Variants in BICC1 observed in about 807,000 individuals in gnomAD.
The protein encoded by BICC1 is protein bicaudal C homolog 1.
A neutral mutation model predicts 111.0 loss-of-function variants in BICC1; 43 were observed. The ratio of observed to expected loss-of-function variants is 0.39; its 90% confidence interval spans 0.30 to 0.50. The LOEUF (loss-of-function observed/expected upper bound fraction) is 0.50. BICC1 is among the 20% of genes least tolerant of loss of function. The pLI is 0.88. For missense variants in BICC1, 1,091 were observed against 1,203.2 expected, an observed-to-expected ratio of 0.91 and a Z score of 1.38; for synonymous variants, 467 against 434.4, an observed-to-expected ratio of 1.07 and a Z score of -0.93.
chr10:58,827,670 A>G (rs553966734), intron 20 of BICC1, among the ~76,000 whole-genome samples: 35 of 152,218 alleles, frequency 2.3e-4, no homozygotes, highest in Non-Finnish European at 4.8e-4. Flanking sequence ...ATTCAAGACT[A>G]CTTCTGATTT....
intron 3 of BICC1, among the ~76,000 whole-genome samples, chr10:58,742,524 T>G (rs9416741): frequency 1 from 150,149 of 150,524 alleles, 74,888 homozygotes; most frequent in Middle Eastern, 1. Flanking sequence ...TGTAACCTCT[T>G]CCTCTTGGGG....
At chr10:58,628,950 C>G (rs899430806) in intron 2 of BICC1, among the ~76,000 whole-genome samples, 2 of 152,196 alleles carry the variant, frequency 1.3e-5, no homozygotes, top group African/African-American at 4.8e-5. Context: ...AAGCTCTTGA[C>G]CTGACATGTA....
At chr10:58,788,671 G>T in intron 6 of BICC1, among the ~76,000 whole-genome samples, 1 of 152,054 alleles carries the variant, frequency 6.6e-6, no homozygotes, top group East Asian at 1.9e-4. Flanking sequence ...AGATGTTCTG[G>T]ATTTTATCTG....
chr10:58,817,525 A>G (rs1300300263), intron 18 of BICC1, 37 bp from the exon 19 acceptor site: 2 of 1,611,396 alleles, frequency 1.2e-6, no homozygotes, highest in Non-Finnish European at 1.7e-6. Flanking sequence ...CTCTCTGGGC[A>G]TTTACACTTC....
chr10:58,609,712 C>T (rs1037786638), intron 1 of BICC1, among the ~76,000 whole-genome samples: 6 of 152,152 alleles, frequency 3.9e-5, no homozygotes, highest in African/African-American at 1.2e-4. Context: ...TCAGTGTTCA[C>T]GAGGCACATG....
rs149875168 is a variant in BICC1 at position 58,608,329 on chromosome 10, T to C, written c.191-12526T>C. 7.0e-4 allele frequency among the ~76,000 whole-genome samples: 107 copies of C among 152,280 alleles called. 1 individual carries two copies. In the East Asian group the frequency reaches 0.019, roughly 28 times the overall value. ...ACGGGATTCCCTTTCCCTTTCACCATCACTGGAGAGCTCCCCTTCCTCCCC... is the reference window on the plus strand; with the variant it reads ...ACGGGATTCCCTTTCCCTTTCACCACCACTGGAGAGCTCCCCTTCCTCCCC... On this transcript the variant is annotated intron_variant, in intron 1 of 20. Coordinates refer to ENST00000373886, the MANE Select transcript of BICC1 (RefSeq NM_001080512.3).
At position 58,635,138 on chromosome 10, in the gene BICC1, A is replaced by G. The variant is rs537133927; in HGVS notation, c.237+14237A>G. Reference sequence around the variant, plus strand: ...TGGATTTAACTTTCTGTTCAGTTTCATTCTCTTAGAGGGTATACTGTGAGA... The same window carrying G: ...TGGATTTAACTTTCTGTTCAGTTTCGTTCTCTTAGAGGGTATACTGTGAGA... On this transcript the variant is annotated intron_variant, in intron 2 of 20. Coordinates refer to ENST00000373886, the MANE Select transcript of BICC1 (RefSeq NM_001080512.3). Among the ~76,000 whole-genome samples the G allele has an allele frequency of 5.3e-5, 8 of 152,326 alleles. No homozygotes were observed. The East Asian group carries it at 1.5e-3, about 29-fold the overall frequency.
intron 1 of BICC1, among the ~76,000 whole-genome samples, chr10:58,555,305 C>CTTTTTTTTTTT: frequency 1.1e-5 from 1 of 93,828 alleles, no homozygotes; most frequent in Admixed American, 1.0e-4. Flanking sequence ...GGCTGTTGGA[C>CTTTTTTTTTTT]ATTTTTTTTT....
At chr10:58,577,949 A>G (rs1028550324) in intron 1 of BICC1, among the ~76,000 whole-genome samples, 1 of 152,214 alleles carries the variant, frequency 6.6e-6, no homozygotes, top group African/African-American at 2.4e-5. Flanking sequence ...ATGTGCAAAT[A>G]GAGTTTCTTT....
rs139349355 is a variant in BICC1, at chr10:58,635,257, C to A, written c.237+14356C>A. Among the ~76,000 whole-genome samples, 58 of 152,280 alleles carry A rather than the reference C, an allele frequency of 3.8e-4. 1 individual carries two copies. In the East Asian group the frequency reaches 8.3e-3, roughly 22 times the overall value. On this transcript the variant is annotated intron_variant, in intron 2 of 20. Transcript: ENST00000373886. The stretch of plus-strand genomic sequence containing the variant: ...AGGCATTTACAGTTAAAAAATAGTT[C>A]TTTCCTATAAAACTGGTTGCAAACT...
intron 16 of BICC1, 78 bp downstream of exon 16, chr10:58,806,701 T>C: frequency 8.0e-7 from 1 of 1,255,190 alleles, no homozygotes; most frequent in South Asian, 1.3e-5. Flanking sequence ...TCATGGTGAA[T>C]CGAGAACTTG....
intron 3 of BICC1, among the ~76,000 whole-genome samples, chr10:58,762,826 TTC>T (rs1337116926): frequency 6.6e-6 from 1 of 151,844 alleles, no homozygotes; most frequent in African/African-American, 2.4e-5. Context: ...AAACAAAGAG[TTC>T]TCTCTCTCCA....
intron 3 of BICC1, among the ~76,000 whole-genome samples, chr10:58,704,440 C>T (rs1840331867): frequency 6.6e-6 from 1 of 152,184 alleles, no homozygotes; most frequent in Admixed American, 6.5e-5. Context: ...TGGCTAACAT[C>T]CCTGGTATGT....
In BICC1 at chr10:58,702,003, G is replaced by T. The variant is rs577078494; in HGVS notation, c.238-71G>T. The stretch of plus-strand genomic sequence containing the variant: ...TAGGAACTTGAAAATAAACTTTTTT[G>T]TGTGTGAAAAATCTTATCTGTAAAT... On this transcript the variant is annotated intron_variant, in intron 2 of 20. Coordinates refer to ENST00000373886, the MANE Select transcript of BICC1 (RefSeq NM_001080512.3). The T allele has an allele frequency of 8.1e-5, 92 of 1,142,610 alleles. No individual in the cohort carries two copies. In the East Asian group the frequency reaches 1.3e-3, roughly 16 times the overall value. 70.8% of individuals were successfully genotyped at this position (1,142,610 alleles called of 1,614,324 possible).
chr10:58,721,709 A>G (rs549610052), intron 3 of BICC1, among the ~76,000 whole-genome samples: 1 of 152,276 alleles, frequency 6.6e-6, no homozygotes, highest in South Asian at 2.1e-4. Flanking sequence ...AGGGTCTAGA[A>G]ATCCATGATT....
chr10:58,637,864 C>T (rs542053865), intron 2 of BICC1, among the ~76,000 whole-genome samples: 3 of 151,978 alleles, frequency 2.0e-5, no homozygotes, highest in Admixed American at 6.6e-5. Context: ...CAGAGGGGAT[C>T]TAGTAACTAA....
intron 1 of BICC1, among the ~76,000 whole-genome samples, chr10:58,557,393 A>T (rs989332548): frequency 6.9e-6 from 1 of 145,216 alleles, no homozygotes; most frequent in Admixed American, 6.9e-5. Context: ...TCTTGGATTT[A>T]TAGCTTTATT....
chr10:58,649,546 TA>T (rs1338016958), intron 2 of BICC1, among the ~76,000 whole-genome samples: 1 of 151,916 alleles, frequency 6.6e-6, no homozygotes, highest in East Asian at 1.9e-4. Context: ...GGGTGTCTTT[TA>T]AAAAAAACTC....
chr10:58,534,720 C>G (rs1842782754), intron 1 of BICC1, among the ~76,000 whole-genome samples: 2 of 151,558 alleles, frequency 1.3e-5, no homozygotes, highest in Admixed American at 1.3e-4. Flanking sequence ...CACACTAACT[C>G]TCCAGCAGTG....
Sources: allele counts gnomAD v4.1 joint callset (sites outside exome capture counted in the v4.1 genomes callset), GRCh38; gene constraint gnomAD v4.1.1; transcripts MANE v1.5; gene names NCBI Gene and HGNC (gene_info 2026-07-23, HGNC 2026-07-21).